Variants in TNPO3 observed in about 807,000 individuals in gnomAD.
TNPO3 encodes the protein transportin-3.
TNPO3 carries 65 observed loss-of-function variants against 122.8 expected under a neutral mutation model. The observed-to-expected ratio is 0.53, with a 90% CI of 0.43 to 0.65. The LOEUF (loss-of-function observed/expected upper bound fraction) is 0.65. Ranked by LOEUF, TNPO3 falls within the 30% of genes least tolerant of loss-of-function variation. The pLI is 0.00. For missense variants in TNPO3, 850 were observed against 1,136.7 expected, an observed-to-expected ratio of 0.75 and a Z score of 3.63; for synonymous variants, 372 against 411.2, an observed-to-expected ratio of 0.90 and a Z score of 1.15.
intron 12 of TNPO3, among the ~76,000 whole-genome samples, chr7:128,985,046 G>T (rs1800004773): frequency 6.6e-6 from 1 of 152,028 alleles, no homozygotes; most frequent in African/African-American, 2.4e-5. Flanking sequence ...AAATCCAAAG[G>T]ATTACGTATT....
At chr7:129,019,131 T>G (rs1433690986) in intron 1 of TNPO3, among the ~76,000 whole-genome samples, 1 of 152,188 alleles carries the variant, frequency 6.6e-6, no homozygotes, top group South Asian at 2.1e-4. Context: ...AGAACCAAAG[T>G]ATAAAATCTG....
intron 1 of TNPO3, among the ~76,000 whole-genome samples, chr7:129,045,984 G>C (rs567577839): frequency 1.8e-4 from 28 of 152,068 alleles, no homozygotes; most frequent in Non-Finnish European, 3.2e-4. Context: ...TGGATCACGA[G>C]ATCAGGAGAT....
chr7:129,024,652 G>A (rs868344831), intron 1 of TNPO3, among the ~76,000 whole-genome samples: 9 of 152,246 alleles, frequency 5.9e-5, no homozygotes, highest in African/African-American at 1.9e-4. Context: ...GAGTAGAACT[G>A]AATCATGACA....
At chr7:129,041,895 T>C (rs553356643) in intron 1 of TNPO3, among the ~76,000 whole-genome samples, 1 of 152,338 alleles carries the variant, frequency 6.6e-6, no homozygotes, top group African/African-American at 2.4e-5. Context: ...AAGCCCTTCA[T>C]TATACTTCAC....
At chr7:129,018,254 T>A in intron 1 of TNPO3, 97 bp from the exon 2 acceptor site, 1 of 1,253,126 alleles carries the variant, frequency 8.0e-7, no homozygotes, top group Non-Finnish European at 1.1e-6. Context: ...TAGCCCAAAG[T>A]ATAAAGAAAG....
intron 1 of TNPO3, among the ~76,000 whole-genome samples, chr7:129,032,494 G>A (rs1806067099): frequency 6.6e-6 from 1 of 152,112 alleles, no homozygotes; most frequent in African/African-American, 2.4e-5. Context: ...AGACTGTTAA[G>A]ACTTAATAAA....
intron 1 of TNPO3, among the ~76,000 whole-genome samples, chr7:129,020,144 AC>A (rs1179488673): frequency 6.9e-6 from 1 of 144,698 alleles, no homozygotes; most frequent in East Asian, 2.2e-4. Context: ...CCCGCCCCCC[AC>A]CAAAAAACCC....
At chr7:128,980,691 C>T (rs951811738) in intron 14 of TNPO3, among the ~76,000 whole-genome samples, 2 of 152,052 alleles carry the variant, frequency 1.3e-5, no homozygotes, top group African/African-American at 4.8e-5. Flanking sequence ...AAGTAAAACT[C>T]CATCTCAAAA....
intron 4 of TNPO3, among the ~76,000 whole-genome samples, chr7:129,007,022 T>C (rs1802648921): frequency 6.6e-6 from 1 of 152,208 alleles, no homozygotes; most frequent in African/African-American, 2.4e-5. Flanking sequence ...TCCAGGCCAT[T>C]ACATTTCAGG....
chr7:129,010,689 G>A lies in TNPO3; in HGVS notation c.552+4290C>T, dbSNP rs77118885. 3.3e-5 allele frequency among the ~76,000 whole-genome samples: 5 copies of A among 152,212 alleles called. No individual in the cohort carries two copies. The East Asian group carries it at 9.6e-4, about 29-fold the overall frequency. On this transcript the variant is annotated intron_variant, in intron 4 of 22. Transcript: ENST00000265388. ...ATCACTAATAGAAGGTCAACTGAAC[G>A]CTGTATATATACTAAGACATAGCAT...
chr7:129,001,937 G>A (rs1801992448), intron 5 of TNPO3, among the ~76,000 whole-genome samples: 1 of 152,068 alleles, frequency 6.6e-6, no homozygotes, highest in Admixed American at 6.6e-5. Context: ...AAATGAAAGG[G>A]CTCAACAAGT....
chr7:128,961,403 G>A (rs542680260), intron 21 of TNPO3, among the ~76,000 whole-genome samples: 1 of 152,216 alleles, frequency 6.6e-6, no homozygotes, highest in African/African-American at 2.4e-5. Flanking sequence ...TGTAGCCTAG[G>A]AGCAATAGGC....
intron 17 of TNPO3, 148 bp from the exon 18 acceptor site, chr7:128,975,110 T>C (rs1798923981): frequency 3.1e-6 from 2 of 652,286 alleles, no homozygotes; most frequent in Non-Finnish European, 5.2e-6. Context: ...GAGAATCTGA[T>C]CAGGAAAAGA....
intron 1 of TNPO3, among the ~76,000 whole-genome samples, chr7:129,031,733 CAAGAA>C (rs1233958052): frequency 1.3e-5 from 2 of 151,990 alleles, no homozygotes; most frequent in African/African-American, 2.4e-5. Context: ...GATGAAGAAA[CAAGAA>C]AAGAAAATTA....
chr7:129,008,747 T>C (rs1802863692), intron 4 of TNPO3, among the ~76,000 whole-genome samples: 1 of 152,174 alleles, frequency 6.6e-6, no homozygotes, highest in Non-Finnish European at 1.5e-5. Flanking sequence ...TCTCTCCCCC[T>C]CAACCTGTCT....
At chr7:129,017,828 A>G (rs1419293215) in intron 2 of TNPO3, 129 bp downstream of exon 2, 2 of 918,852 alleles carry the variant, frequency 2.2e-6, no homozygotes, top group Non-Finnish European at 3.3e-6. Flanking sequence ...CTATCCACTT[A>G]CAAGAACATA....
rs996961242 is a variant in TNPO3, at chr7:129,050,584, T to C, written c.120+4067A>G. Among the ~76,000 whole-genome samples, 47 of 152,240 alleles carry C rather than the reference T, an allele frequency of 3.1e-4. 1 individual carries two copies. Among genetic ancestry groups the C allele is most frequent in the African/African-American group, 1.0e-3 (43 of 41,530 alleles). Reference sequence around the variant, plus strand: ...AGACTCAAGGTTTACTGTGGAAAGATTGAAGTAGGTGGTCTCTGGACTCTT... The same window carrying C: ...AGACTCAAGGTTTACTGTGGAAAGACTGAAGTAGGTGGTCTCTGGACTCTT... On this transcript the variant is annotated intron_variant, in intron 1 of 22. Transcript: ENST00000265388.
At chr7:128,981,503 G>A (rs1404585411) in intron 14 of TNPO3, among the ~76,000 whole-genome samples, 1 of 152,048 alleles carries the variant, frequency 6.6e-6, no homozygotes, top group Non-Finnish European at 1.5e-5. Context: ...TATGGTCTCT[G>A]GATTAGCAAG....
intron 4 of TNPO3, among the ~76,000 whole-genome samples, chr7:129,005,607 T>C (rs1340117303): frequency 6.6e-6 from 1 of 151,548 alleles, no homozygotes; most frequent in East Asian, 1.9e-4. Context: ...CCCCCCTCCT[T>C]CTCTCTCCTG....
Sources: allele counts gnomAD v4.1 joint callset (sites outside exome capture counted in the v4.1 genomes callset), GRCh38; gene constraint gnomAD v4.1.1; transcripts MANE v1.5; gene names NCBI Gene and HGNC (gene_info 2026-07-23, HGNC 2026-07-21).